BNC2: variants seen among roughly 807,000 people sequenced by gnomAD.
BNC2 encodes basonuclin zinc finger protein 2, also known as zinc finger protein basonuclin-2.
In BNC2, 20 loss-of-function variants were observed where a neutral mutation model predicts 76.3. That is an observed-to-expected ratio of 0.26 (90% CI 0.18 to 0.38). BNC2 has a LOEUF of 0.38. Among genes scored for constraint, BNC2 ranks in the 10% least tolerant of loss-of-function variants. BNC2 has a pLI of 1.00. For missense variants in BNC2, 1,382 were observed against 1,399.8 expected (o/e 0.99, Z 0.20); for synonymous variants, 582 against 514.8 (o/e 1.13, Z -1.77).
intron 4 of BNC2, among the ~76,000 whole-genome samples, chr9:16,568,109 C>G (rs908997843): frequency 1.3e-4 from 20 of 152,102 alleles, no homozygotes; most frequent in Non-Finnish European, 2.6e-4. Flanking sequence ...AACTCTGGGT[C>G]TCTTGCCTCA....
At chr9:16,638,624 T>G (rs1030386872) in intron 3 of BNC2, among the ~76,000 whole-genome samples, 2 of 152,152 alleles carry the variant, frequency 1.3e-5, no homozygotes, top group African/African-American at 4.8e-5. Context: ...ATATAGGTTA[T>G]GTTATCATGC....
At chr9:16,586,902 C>A (rs1034173854) in intron 3 of BNC2, among the ~76,000 whole-genome samples, 1 of 152,108 alleles carries the variant, frequency 6.6e-6, no homozygotes, top group Non-Finnish European at 1.5e-5. Context: ...TGCATTATTC[C>A]TCCTCTACCA....
Position 16,701,938 on chromosome 9 carries a change from C to CAAAA in BNC2, c.330+25855_330+25858dup, listed in dbSNP as rs5896700. Among the ~76,000 whole-genome samples the CAAAA allele has an allele frequency of 9.1e-4, 83 of 91,484 alleles. 1 individual carries two copies. Among genetic ancestry groups the CAAAA allele is most frequent in the Middle Eastern group, 8.2e-3 (1 of 122 alleles). 60.0% of individuals were successfully genotyped at this position (91,484 alleles called of 152,430 possible). A position where few individuals can be genotyped will look rare whatever the true frequency, so the allele number is the denominator to read the frequency against. ...GCCTGGGTGACAGAACGAGACTCTC[C>CAAAA]AAAAAAAAAAAAAAAAAAAGACCAA... On this transcript the variant is annotated intron_variant, in intron 3 of 6. Transcript: ENST00000380672.
Position 16,481,415 on chromosome 9 carries a change from T to C in BNC2, c.670-43891A>G, listed in dbSNP as rs914207820. 1.6e-4 allele frequency among the ~76,000 whole-genome samples: 24 copies of C among 152,202 alleles called. 1 individual carries two copies. Among genetic ancestry groups the C allele is most frequent in the Admixed American group, 7.8e-4 (12 of 15,288 alleles). ...TTGGGTCCACACTGCTTTTATGAGC[T>C]GTAACACTCACCACGAAGGTCTGCA... On this transcript the variant is annotated intron_variant, in intron 5 of 6. Coordinates refer to ENST00000380672, the MANE Select transcript of BNC2 (RefSeq NM_017637.6).
At chr9:16,614,710 G>T (rs963909485) in intron 3 of BNC2, among the ~76,000 whole-genome samples, 1 of 151,996 alleles carries the variant, frequency 6.6e-6, no homozygotes, top group African/African-American at 2.4e-5. Context: ...ACTTTGAGAG[G>T]CTGAGGCAGG....
At chr9:16,793,557 C>T (rs1418805443) in intron 1 of BNC2, among the ~76,000 whole-genome samples, 2 of 152,026 alleles carry the variant, frequency 1.3e-5, no homozygotes, top group Non-Finnish European at 2.9e-5. Flanking sequence ...CTGCTGCAGC[C>T]TCCCAAGTGG....
chr9:16,751,674 A>G (rs142130062), intron 1 of BNC2, among the ~76,000 whole-genome samples: 48,342 of 82,038 alleles, frequency 0.59, 11,028 homozygotes, highest in East Asian at 0.89. Flanking sequence ...ATGTATGTGT[A>G]TATATATATG....
intron 2 of BNC2, among the ~76,000 whole-genome samples, chr9:16,734,015 C>G (rs1370883620): frequency 1.3e-5 from 2 of 152,162 alleles, no homozygotes; most frequent in Non-Finnish European, 2.9e-5. Flanking sequence ...TGTTCCACAG[C>G]AGTAAAGTCT....
intron 5 of BNC2, among the ~76,000 whole-genome samples, chr9:16,480,591 C>G (rs1391382125): frequency 3.5e-4 from 54 of 152,190 alleles, no homozygotes; most frequent in Non-Finnish European, 2.9e-5. Context: ...CTTGGCGGGC[C>G]CCACACTTGG....
chr9:16,568,146 G>A (rs977767400), intron 4 of BNC2, among the ~76,000 whole-genome samples: 1 of 152,124 alleles, frequency 6.6e-6, no homozygotes, highest in Non-Finnish European at 1.5e-5. Context: ...CAAATTACAA[G>A]CATCAAGTGG....
chr9:16,863,090 T>A (rs910942713), intron 1 of BNC2, among the ~76,000 whole-genome samples: 1 of 151,832 alleles, frequency 6.6e-6, no homozygotes, highest in African/African-American at 2.4e-5. Flanking sequence ...AATTTTTGTA[T>A]TTTTAGTAAA....
chr9:16,688,856 G>A (rs963102398), intron 3 of BNC2, among the ~76,000 whole-genome samples: 4 of 152,174 alleles, frequency 2.6e-5, no homozygotes, highest in Non-Finnish European at 5.9e-5. Context: ...CCCAGGGCAA[G>A]TGGAGGCTGA....
chr9:16,533,133 T>C (rs1239312687), intron 5 of BNC2, among the ~76,000 whole-genome samples: 2 of 152,190 alleles, frequency 1.3e-5, no homozygotes, highest in Admixed American at 6.5e-5. Context: ...GACAGAAAAA[T>C]TAACTATAAA....
chr9:16,778,957 G>A (rs1392317274), intron 1 of BNC2, among the ~76,000 whole-genome samples: 1 of 151,904 alleles, frequency 6.6e-6, no homozygotes, highest in African/African-American at 2.4e-5. Flanking sequence ...GCCTTCTTTT[G>A]GGGATGGCAG....
rs575764862 is a variant in BNC2, at chr9:16,788,542, C to G, written c.4-50057G>C. On this transcript the variant is annotated intron_variant, in intron 1 of 6. Transcript: ENST00000380672. ...CACTCCACCCTGGGCGACAGAGCAACACTCCTTCTCAAAAAAAAAAAAAAA... is the reference window on the plus strand; with the variant it reads ...CACTCCACCCTGGGCGACAGAGCAAGACTCCTTCTCAAAAAAAAAAAAAAA... 9.4e-4 allele frequency among the ~76,000 whole-genome samples: 130 copies of G among 138,588 alleles called. 1 individual carries two copies. The highest frequency in any genetic ancestry group is 2.9e-3 in the African/African-American group (105 of 36,580). 90.9% of individuals were successfully genotyped at this position (138,588 alleles called of 152,430 possible).
chr9:16,530,648 C>T (rs751475281), intron 5 of BNC2, among the ~76,000 whole-genome samples: 2 of 152,166 alleles, frequency 1.3e-5, no homozygotes, highest in African/African-American at 2.4e-5. Context: ...TAACTTTTTG[C>T]ATTTGTTCAC....
rs550568485 is a variant in BNC2 at position 16,421,832 on chromosome 9, T to G, written c.2640-2183A>C. Among the ~76,000 whole-genome samples, 3 of 151,442 alleles carry G rather than the reference T, an allele frequency of 2.0e-5. No homozygotes were observed. In the East Asian group the frequency reaches 5.9e-4, roughly 30 times the overall value. On this transcript the variant is annotated intron_variant, in intron 6 of 6. Coordinates refer to ENST00000380672, the MANE Select transcript of BNC2 (RefSeq NM_017637.6). ...CTATTATTCTATTGATAAAACTATC[T>G]GCCAACTATGAGCAGCTCATGAAAT... is the stretch of plus-strand genomic sequence containing the variant.
At chr9:16,668,427 T>G (rs1403266713) in intron 3 of BNC2, among the ~76,000 whole-genome samples, 1 of 152,200 alleles carries the variant, frequency 6.6e-6, no homozygotes, top group Non-Finnish European at 1.5e-5. Context: ...ATGCAGTCAT[T>G]GTCATTCTCC....
At chr9:16,561,251 A>C (rs1467620310) in intron 4 of BNC2, among the ~76,000 whole-genome samples, 3 of 151,898 alleles carry the variant, frequency 2.0e-5, no homozygotes, top group East Asian at 3.9e-4. Context: ...AAAAAAAAAA[A>C]CAAAACCCAC....
Sources: allele counts gnomAD v4.1 joint callset (sites outside exome capture counted in the v4.1 genomes callset), GRCh38; gene constraint gnomAD v4.1.1; transcripts MANE v1.5; gene names NCBI Gene and HGNC (gene_info 2026-07-23, HGNC 2026-07-21).